The following RCOR1 variants were observed in gnomAD, a reference collection of about 807,000 sequenced individuals.
The protein encoded by RCOR1 is REST corepressor.
A neutral mutation model predicts 64.0 loss-of-function variants in RCOR1; 12 were observed. The ratio of observed to expected loss-of-function variants is 0.19; its 90% CI spans 0.12 to 0.30. The LOEUF (loss-of-function observed/expected upper bound fraction) is 0.30, where lower values mean the gene tolerates loss of function less well. RCOR1 is among the 10% of genes least tolerant of loss of function. The probability of loss-of-function intolerance (pLI) is 1.00; values close to 1 mark genes in which losing one functional copy is unlikely to be tolerated. For synonymous variants in RCOR1, 279 were observed against 227.2 expected (o/e 1.23, Z -2.05); for missense variants, 502 against 621.2 (o/e 0.81, Z 2.04).
At chr14:102,629,266 C>G (rs779627143) in intron 2 of RCOR1, among the ~76,000 whole-genome samples, 5 of 152,148 alleles carry the variant, frequency 3.3e-5, no homozygotes, top group Non-Finnish European at 5.9e-5. Context: ...TCTCAGTTTT[C>G]AGCTGCATCC....
At chr14:102,622,160 G>C (rs1351220560) in intron 2 of RCOR1, among the ~76,000 whole-genome samples, 1 of 142,126 alleles carries the variant, frequency 7.0e-6, no homozygotes, top group African/African-American at 2.5e-5. Flanking sequence ...ACTGGAGGAG[G>C]GGCTGTGTAA....
chr14:102,712,015 CTCTTTTT>C (rs1329183436), intron 7 of RCOR1, among the ~76,000 whole-genome samples: 2 of 147,856 alleles, frequency 1.4e-5, no homozygotes, highest in African/African-American at 2.5e-5. Flanking sequence ...TTTTTTTTTT[CTCTTTTT>C]TCTTTTTTGA....
intron 3 of RCOR1, among the ~76,000 whole-genome samples, chr14:102,700,419 G>A (rs543073060): frequency 2.0e-5 from 3 of 152,168 alleles, no homozygotes; most frequent in African/African-American, 4.8e-5. Flanking sequence ...ATGGGGTTTC[G>A]CCATGTTGGT....
intron 2 of RCOR1, among the ~76,000 whole-genome samples, chr14:102,651,821 G>C (rs924318935): frequency 2.0e-5 from 3 of 152,122 alleles, no homozygotes; most frequent in African/African-American, 7.2e-5. Flanking sequence ...GGGTCCTCCT[G>C]TCTTGACCTC....
At chr14:102,640,565 A>G (rs1236754940) in intron 2 of RCOR1, among the ~76,000 whole-genome samples, 3 of 152,252 alleles carry the variant, frequency 2.0e-5, no homozygotes, top group Non-Finnish European at 2.9e-5. Context: ...AAAAAATGTA[A>G]TATTAGTGTA....
intron 3 of RCOR1, among the ~76,000 whole-genome samples, chr14:102,691,260 G>A (rs1398161466): frequency 6.7e-6 from 1 of 150,334 alleles, no homozygotes; most frequent in East Asian, 2.0e-4. Context: ...TAAACATTGG[G>A]TGCACATGGC....
At chr14:102,711,109 GTGC>G in intron 7 of RCOR1, 96 bp downstream of exon 7, 14 of 765,612 alleles carry the variant, frequency 1.8e-5, no homozygotes, top group Non-Finnish European at 3.0e-5. Context: ...AATATATTAA[GTGC>G]TATGTGGAAA....
intron 2 of RCOR1, among the ~76,000 whole-genome samples, chr14:102,653,697 G>A (rs1341546896): frequency 1.3e-5 from 2 of 151,900 alleles, no homozygotes; most frequent in African/African-American, 4.8e-5. Context: ...CGATCGGGTC[G>A]TCTAAAAGTG....
At chr14:102,700,737 C>T (rs1281943623) in intron 3 of RCOR1, among the ~76,000 whole-genome samples, 8 of 152,196 alleles carry the variant, frequency 5.3e-5, no homozygotes, top group Admixed American at 3.3e-4. Context: ...TTCATTCAGA[C>T]GTTTCTCTGC....
rs761229471 is a variant in RCOR1 at position 102,593,109 on chromosome 14, G to A, written c.223G>A (p.Ala75Thr). 7 of 1,504,178 alleles carry A rather than the reference G, an allele frequency of 4.7e-6. No individual in the cohort carries two copies. In the Admixed American group the frequency reaches 9.5e-5, roughly 20 times the overall value. 93.2% of individuals were successfully genotyped at this position (1,504,178 alleles called of 1,614,324 possible). The change falls in exon 1 of 12, where the codon GCG (alanine) becomes ACG (threonine). Residue 75 changes from alanine (A) to threonine (T), a missense_variant. By Grantham distance (58) the Ala-to-Thr change is moderately conservative. This residue lies in a region of RCOR1 where 242 missense variants were observed against 204.9 expected (regional missense o/e 1.18). Transcript: ENST00000262241. The part of the protein sequence containing the change: ...PNNGQNKSLA[A>T]AAPNGNSSSN... Reference sequence around the variant, plus strand: ...TAATGGCCAGAATAAAAGTTTGGCGGCGGCGGCGCCCAATGGCAACAGCAG... The same window carrying A: ...TAATGGCCAGAATAAAAGTTTGGCGACGGCGGCGCCCAATGGCAACAGCAG...
At chr14:102,697,629 T>C (rs1019615135) in intron 3 of RCOR1, among the ~76,000 whole-genome samples, 9 of 151,084 alleles carry the variant, frequency 6.0e-5, no homozygotes, top group Non-Finnish European at 1.5e-5. Flanking sequence ...GAGCACCTAG[T>C]AGACACACCA....
chr14:102,707,891 C>G lies in RCOR1; in HGVS notation c.660+379C>G, dbSNP rs200294298. ...GCAACCTCCGCCTCCCGGGTTCAAGCGATTCTCCTGCCTCAGCCTCCTGAG... is the reference window on the plus strand; with the variant it reads ...GCAACCTCCGCCTCCCGGGTTCAAGGGATTCTCCTGCCTCAGCCTCCTGAG... On this transcript the variant is annotated intron_variant, in intron 5 of 11. Transcript: ENST00000262241. Among the ~76,000 whole-genome samples the G allele has an allele frequency of 6.6e-5, 10 of 152,058 alleles. No individual in the cohort carries two copies. In the East Asian group the frequency reaches 1.9e-3, roughly 29 times the overall value.
intron 2 of RCOR1, among the ~76,000 whole-genome samples, chr14:102,681,337 G>C (rs1395946615): frequency 2.0e-5 from 3 of 152,200 alleles, no homozygotes; most frequent in African/African-American, 7.2e-5. Context: ...TATTGTAATA[G>C]ATGACAGCCG....
chr14:102,721,480 G>A, intron 10 of RCOR1, 103 bp downstream of exon 10: 5 of 759,194 alleles, frequency 6.6e-6, no homozygotes, highest in Non-Finnish European at 6.8e-6. Flanking sequence ...GAGCCCAGGA[G>A]CTCAAGGCTG....
chr14:102,712,088 A>G (rs917946749), intron 7 of RCOR1, among the ~76,000 whole-genome samples: 2 of 152,028 alleles, frequency 1.3e-5, no homozygotes, highest in African/African-American at 4.8e-5. Context: ...GACTCACTGC[A>G]GCCGCCAACT....
intron 2 of RCOR1, 114 bp downstream of exon 2, chr14:102,593,439 C>A (rs764589984): frequency 8.7e-7 from 1 of 1,144,462 alleles, no homozygotes; most frequent in Non-Finnish European, 1.2e-6. Flanking sequence ...GTTCGCCCTG[C>A]CGTCCGTGGG....
chr14:102,716,298 A>G (rs1259502380), intron 8 of RCOR1, among the ~76,000 whole-genome samples: 2 of 152,086 alleles, frequency 1.3e-5, no homozygotes, highest in East Asian at 1.9e-4. Flanking sequence ...TGTTTTCTAC[A>G]ACTTGTATTT....
chr14:102,718,424 G>C (rs1038590545), intron 8 of RCOR1, among the ~76,000 whole-genome samples: 13 of 152,312 alleles, frequency 8.5e-5, no homozygotes, highest in African/African-American at 2.9e-4. Context: ...ACCTCTACCA[G>C]CGAGAAGGGG....
At chr14:102,637,933 T>G (rs1366383783) in intron 2 of RCOR1, among the ~76,000 whole-genome samples, 1 of 152,210 alleles carries the variant, frequency 6.6e-6, no homozygotes, top group Non-Finnish European at 1.5e-5. Flanking sequence ...AAGTAAATAA[T>G]TAAGTTTAAA....
Sources: allele counts gnomAD v4.1 joint callset (sites outside exome capture counted in the v4.1 genomes callset), GRCh38; gene constraint gnomAD v4.1.1; regional missense constraint gnomAD v4.1.1; transcripts MANE v1.5; gene names NCBI Gene and HGNC (gene_info 2026-07-23, HGNC 2026-07-21).